Variants in PXDNL observed in about 807,000 individuals in gnomAD.
The protein encoded by PXDNL is peroxidasin like, also known as probable oxidoreductase PXDNL.
A neutral mutation model predicts 150.8 loss-of-function variants in PXDNL; 145 were observed. The ratio of observed to expected loss-of-function variants is 0.96; its 90% CI spans 0.84 to 1.10. The LOEUF is 1.10. PXDNL is among the 50% of genes least tolerant of loss of function. The pLI is 0.00. For missense variants in PXDNL, 2,087 were observed against 1,873.9 expected (o/e 1.11, Z -2.10); for synonymous variants, 757 against 725.7 (o/e 1.04, Z -0.69).
intron 1 of PXDNL, among the ~76,000 whole-genome samples, chr8:51,727,183 A>G (rs1006455325): frequency 6.6e-6 from 1 of 152,254 alleles, no homozygotes; most frequent in Non-Finnish European, 1.5e-5. Context: ...TAGGAACAAG[A>G]TAGTTTGCAT....
chr8:51,444,250 T>A (rs552592099), intron 12 of PXDNL, among the ~76,000 whole-genome samples: 1 of 152,148 alleles, frequency 6.6e-6, no homozygotes, highest in Admixed American at 6.6e-5. Flanking sequence ...TTACCCACCA[T>A]GACTTTTGCA....
At chr8:51,545,901 T>A (rs1429377722) in intron 4 of PXDNL, among the ~76,000 whole-genome samples, 1 of 152,226 alleles carries the variant, frequency 6.6e-6, no homozygotes, top group Non-Finnish European at 1.5e-5. Flanking sequence ...TATTTTCATC[T>A]CTATAGCCTC....
intron 3 of PXDNL, among the ~76,000 whole-genome samples, chr8:51,567,885 T>G (rs546455872): frequency 6.6e-6 from 1 of 151,932 alleles, no homozygotes; most frequent in South Asian, 2.1e-4. Context: ...TAAAAACCTA[T>G]GTAAATAGTT....
chr8:51,360,949 A>G (rs2915487), intron 19 of PXDNL, among the ~76,000 whole-genome samples: 117,515 of 151,676 alleles, frequency 0.77, 45,672 homozygotes, highest in East Asian at 0.94. Context: ...ATCATTCTTT[A>G]CTCAGTTAAA....
Sources: allele counts gnomAD v4.1 joint callset (sites outside exome capture counted in the v4.1 genomes callset), GRCh38; gene constraint gnomAD v4.1.1; transcripts MANE v1.5; gene names NCBI Gene and HGNC (gene_info 2026-07-23, HGNC 2026-07-21).